The following AOC2 variants were observed in gnomAD, a reference collection of about 807,000 sequenced individuals.
The protein encoded by AOC2 is amine oxidase [copper-containing] 2.
AOC2 carries 57 observed loss-of-function variants against 53.8 expected under a neutral mutation model. That is an observed-to-expected ratio of 1.06 (90% CI 0.86 to 1.32). The LOEUF (loss-of-function observed/expected upper bound fraction) is 1.32. AOC2 is among the 40% of genes most tolerant of loss of function. AOC2 has a pLI of 0.00. For missense variants in AOC2, 1,008 were observed against 957.2 expected (o/e 1.05, Z -0.70); for synonymous variants, 404 against 399.0 (o/e 1.01, Z -0.15).
Position 42,849,646 on chromosome 17 carries a change from CA to C in AOC2, c.1921del (p.Ser641ValfsTer26). The C allele has an allele frequency of 6.2e-7, 1 of 1,614,212 alleles. No individual in the cohort carries two copies. The highest frequency in any genetic ancestry group is 8.5e-7 in the Non-Finnish European group (1 of 1,180,028). ...TQRKEEESQSSSIYHQNDIWT... is the reference protein window; with the variant it reads ...TQRKEEESQSXSIYHQNDIWT... ...AGAGAAAGGAGGAGGAGTCACAGAG[CA>C]GTAGCATCTATCACCAGAATGACAT... On this transcript the variant is annotated frameshift_variant, in exon 3 of 4. Transcript: ENST00000253799. LOFTEE classifies it high-confidence loss of function.
chr17:42,850,479 C>T lies in AOC2; in HGVS notation c.*131C>T. ...CTCAATGTTCCTCTCACACGAAACC[C>T]CCATCAGTCCCTTTGGTTAATTCTT... On this transcript the variant is annotated 3_prime_UTR_variant, in exon 4 of 4. Coordinates refer to ENST00000253799, the MANE Select transcript of AOC2 (RefSeq NM_009590.4). 1 of 1,068,866 alleles carries T rather than the reference C, an allele frequency of 9.4e-7. No homozygotes were observed. The highest frequency in any genetic ancestry group is 1.3e-6 in the Non-Finnish European group (1 of 762,936). 66.2% of individuals were successfully genotyped at this position (1,068,866 alleles called of 1,614,324 possible).
chr17:42,849,037 A>G (rs1458129755), intron 1 of AOC2, 49 bp from the exon 2 acceptor site: 5 of 1,553,440 alleles, frequency 3.2e-6, no homozygotes, highest in Non-Finnish European at 4.4e-6. Flanking sequence ...GACCTGGCCC[A>G]GAGACCTTAC....
At position 42,844,761 on chromosome 17, in the gene AOC2, GCCCTGGCCACA is replaced by G. The variant is rs755974942; in HGVS notation, c.145_155del (p.His49GlufsTer84). On this transcript the variant is annotated frameshift_variant, in exon 1 of 4. Transcript: ENST00000253799. LOFTEE classifies it high-confidence loss of function. ...GCCCCTCTGTATCCCATAGGGCCCA[GCCCTGGCCACA>G]CCCTGGCCAGAGCCAGCTGTTTGCA... 1.9e-6 allele frequency: 3 copies of G among 1,614,072 alleles called. No individual in the cohort carries two copies. Among genetic ancestry groups the G allele is most frequent in the Non-Finnish European group, 2.5e-6 (3 of 1,180,038 alleles).
intron 1 of AOC2, among the ~76,000 whole-genome samples, chr17:42,848,565 AT>A (rs2055618345): frequency 6.9e-6 from 1 of 144,260 alleles, no homozygotes; most frequent in African/African-American, 2.6e-5. Context: ...ATATATATAT[AT>A]TTTAGACAGA....
At chr17:42,846,902 T>C (rs2055604091) in intron 1 of AOC2, among the ~76,000 whole-genome samples, 1 of 152,222 alleles carries the variant, frequency 6.6e-6, no homozygotes, top group Non-Finnish European at 1.5e-5. Context: ...ACTCACACAC[T>C]GATCCACAAA....
At chr17:42,849,560 T>G in intron 2 of AOC2, 41 bp from the exon 3 acceptor site, 1 of 1,614,130 alleles carries the variant, frequency 6.2e-7, no homozygotes, top group East Asian at 2.2e-5. Flanking sequence ...GTAAAGGCAC[T>G]TGACATTTCC....
intron 1 of AOC2, among the ~76,000 whole-genome samples, chr17:42,847,885 A>C (rs999867795): frequency 6.6e-6 from 1 of 150,552 alleles, no homozygotes; most frequent in Non-Finnish European, 1.5e-5. Context: ...GGTTCAAGCG[A>C]TTCTTGTGTC....
chr17:42,846,262 G>A lies in AOC2; in HGVS notation c.1588+48G>A. 3.3e-6 allele frequency: 5 copies of A among 1,492,822 alleles called. No homozygotes were observed. In the South Asian group the frequency reaches 6.9e-5, roughly 21 times the overall value. The allele number at this position is 1,492,822 out of a possible 1,614,324, so 92.5% of individuals were successfully genotyped here. On this transcript the variant is annotated intron_variant, in intron 1 of 3. Transcript: ENST00000253799. The stretch of plus-strand genomic sequence containing the variant: ...TGGAGACTTGGGGGCGGGGTCAGGT[G>A]GGGTGGAGGGAAGGGAAGGGAATCT...
Position 42,845,546 on chromosome 17 carries a change from C to G in AOC2, c.920C>G (p.Pro307Arg). The change falls in exon 1 of 4, where the codon CCT becomes CGT. Residue 307 changes from proline (P) to arginine (R), a missense_variant. Coordinates refer to ENST00000253799, the MANE Select transcript of AOC2 (RefSeq NM_009590.4). ...RSRNSPGPLP[P>R]LQFSPQGSQY... ...CGGAACTCTCCAGGTCCTCTTCCCCCTCTTCAGTTCTCGCCCCAGGGTTCC... is the reference window on the plus strand; with the variant it reads ...CGGAACTCTCCAGGTCCTCTTCCCCGTCTTCAGTTCTCGCCCCAGGGTTCC... 1.2e-6 allele frequency: 2 copies of G among 1,614,246 alleles called. No homozygotes were observed. Among genetic ancestry groups the G allele is most frequent in the Non-Finnish European group, 1.7e-6 (2 of 1,180,048 alleles).
chr17:42,849,467 C>T, intron 2 of AOC2, 96 bp downstream of exon 2: 1 of 1,578,260 alleles, frequency 6.3e-7, no homozygotes, highest in Non-Finnish European at 8.6e-7. Context: ...ACCATTCATC[C>T]CTGTACCTCC....
chr17:42,844,873 G>A lies in AOC2; in HGVS notation c.247G>A (p.Ala83Thr), dbSNP rs745560685. The change falls in exon 1 of 4, where the codon GCC becomes ACC. Residue 83 changes from alanine to threonine, a missense_variant. Coordinates refer to ENST00000253799, the MANE Select transcript of AOC2 (RefSeq NM_009590.4). Reference protein sequence around the residue: ...QRLGPGLVDAAQAQPSDNCIF... With the variant: ...QRLGPGLVDATQAQPSDNCIF... ...GCTGGGGCCAGGGCTGGTGGACGCAGCCCAGGCTCAGCCCTCGGACAACTG... is the reference window on the plus strand; with the variant it reads ...GCTGGGGCCAGGGCTGGTGGACGCAACCCAGGCTCAGCCCTCGGACAACTG... The A allele has an allele frequency of 1.9e-6, 3 of 1,612,628 alleles. No homozygotes were observed. Among genetic ancestry groups the A allele is most frequent in the East Asian group, 2.2e-5 (1 of 44,834 alleles).
rs1316412113 is a variant in AOC2, at chr17:42,845,237, C to T, written c.611C>T (p.Ala204Val). 2 of 1,613,992 alleles carry T rather than the reference C, an allele frequency of 1.2e-6. No individual in the cohort carries two copies. Among genetic ancestry groups the T allele is most frequent in the African/African-American group, 2.7e-5 (2 of 74,942 alleles). The part of the protein sequence containing the change: ...TFNYNGSTLA[A>V]VHATPRGLRS... ...AACTACAATGGCTCTACCCTGGCAG[C>T]TGTGCATGCCACCCCTCGGGGCTTG... The change falls in exon 1 of 4, where the codon GCT (alanine) becomes GTT (valine). Residue 204 changes from alanine to valine, a missense_variant. Physicochemically the swap from Ala to Val is moderately conservative, Grantham distance 64. Coordinates refer to ENST00000253799, the MANE Select transcript of AOC2 (RefSeq NM_009590.4).
Position 42,850,406 on chromosome 17 carries a change from T to C in AOC2, c.*58T>C. 1.3e-6 allele frequency: 2 copies of C among 1,509,456 alleles called. No individual in the cohort carries two copies. Among genetic ancestry groups the C allele is most frequent in the African/African-American group, 1.4e-5 (1 of 72,266 alleles). 93.5% of individuals were successfully genotyped at this position (1,509,456 alleles called of 1,614,324 possible). On this transcript the variant is annotated 3_prime_UTR_variant, in exon 4 of 4. Coordinates refer to ENST00000253799, the MANE Select transcript of AOC2 (RefSeq NM_009590.4). ...ACATGTACTTTTCCCTGTTTCTACT[T>C]TCTATTCTCCGTGTTTTTATCACAC...
chr17:42,845,398 G>A lies in AOC2; in HGVS notation c.772G>A (p.Val258Ile), dbSNP rs370347304. Residue 258 changes from valine to isoleucine, a missense_variant, in exon 1 of 4, where the codon GTC becomes ATC. By Grantham distance (29) the Val-to-Ile change is conservative. Transcript: ENST00000253799. Reference protein sequence around the residue: ...LDPAHWTVQQVFYLGHYYADL... With the variant: ...LDPAHWTVQQIFYLGHYYADL... Reference sequence around the variant, plus strand: ...CCCTGCCCACTGGACTGTCCAGCAGGTCTTCTACCTTGGGCACTACTATGC... The same window carrying A: ...CCCTGCCCACTGGACTGTCCAGCAGATCTTCTACCTTGGGCACTACTATGC... 129 of 1,614,120 alleles carry A rather than the reference G, an allele frequency of 8.0e-5. No individual in the cohort carries two copies. The highest frequency in any genetic ancestry group is 1.0e-4 in the Non-Finnish European group (120 of 1,180,050).
Position 42,845,646 on chromosome 17 carries a change from C to T in AOC2, c.1020C>T (p.Gly340=). The T allele has an allele frequency of 6.2e-7, 1 of 1,614,152 alleles. No individual in the cohort carries two copies. Among genetic ancestry groups the T allele is most frequent in the Non-Finnish European group, 8.5e-7 (1 of 1,180,026 alleles). ...CCTTTGGCCATGGGGTGTTCAGCGG[C>T]CTGAGGATTTTTGATGTTCGGTTCC... is the stretch of plus-strand genomic sequence containing the variant. The part of the protein sequence containing the change: ...SFTFGHGVFS[G]LRIFDVRFQG... The change falls in exon 1 of 4, where the codon GGC becomes GGT. Residue 340 remains glycine, a synonymous_variant. Coordinates refer to ENST00000253799, the MANE Select transcript of AOC2 (RefSeq NM_009590.4).
In AOC2 at chr17:42,850,148, G is replaced by C; in HGVS notation, c.2071G>C (p.Val691Leu). The change falls in exon 4 of 4, where the codon GTG (valine) becomes CTG (leucine). Residue 691 changes from valine (V) to leucine (L), a missense_variant. Transcript: ENST00000253799. The part of the protein sequence containing the change: ...IPHAEDIPNT[V>L]TLGNRVGFLL... The stretch of plus-strand genomic sequence containing the variant: ...CCATGCCGAGGACATCCCAAACACA[G>C]TGACTCTGGGGAACAGAGTTGGCTT... The C allele has an allele frequency of 3.1e-6, 5 of 1,613,642 alleles. No individual in the cohort carries two copies. Among genetic ancestry groups the C allele is most frequent in the Non-Finnish European group, 3.4e-6 (4 of 1,179,672 alleles).
At position 42,850,396 on chromosome 17, in the gene AOC2, T is replaced by C; in HGVS notation, c.*48T>C. 2 of 1,519,780 alleles carry C rather than the reference T, an allele frequency of 1.3e-6. No homozygotes were observed. The highest frequency in any genetic ancestry group is 1.8e-6 in the Non-Finnish European group (2 of 1,133,412). 94.1% of individuals were successfully genotyped at this position (1,519,780 alleles called of 1,614,324 possible). On this transcript the variant is annotated 3_prime_UTR_variant, in exon 4 of 4. Coordinates refer to ENST00000253799, the MANE Select transcript of AOC2 (RefSeq NM_009590.4). ...GTGGTTAGGCACATGTACTTTTCCC[T>C]GTTTCTACTTTCTATTCTCCGTGTT...
chr17:42,849,417 C>G, intron 2 of AOC2, 46 bp downstream of exon 2: 1 of 1,594,702 alleles, frequency 6.3e-7, no homozygotes, highest in Non-Finnish European at 8.6e-7. Context: ...CAGCCCCTCC[C>G]CTGCCCCAGT....
rs200865307 is a variant in AOC2, at chr17:42,849,073, C to T, written c.1589-13C>T. On this transcript the variant is annotated splice_polypyrimidine_tract_variant and intron_variant, in intron 1 of 3. Transcript: ENST00000253799. ...CTGGTGTGGAACTCATCTCCTTTCCCTCCCCCTGGCAGGGCTGAAAAACTG... is the reference window on the plus strand; with the variant it reads ...CTGGTGTGGAACTCATCTCCTTTCCTTCCCCCTGGCAGGGCTGAAAAACTG... 5.6e-6 allele frequency: 9 copies of T among 1,600,548 alleles called. No homozygotes were observed. Among genetic ancestry groups the T allele is most frequent in the South Asian group, 1.1e-5 (1 of 89,900 alleles).
Sources: gnomAD v4.1 joint callset for allele counts (sites outside exome capture counted in the v4.1 genomes callset) on GRCh38, gnomAD v4.1.1 for gene constraint, MANE v1.5 for transcripts, NCBI Gene and HGNC (gene_info 2026-07-23, HGNC 2026-07-21) for gene names.